MAF: variants seen among roughly 807,000 people sequenced by gnomAD.
MAF encodes MAF bZIP transcription factor.
In MAF, 10 loss-of-function variants were observed where a neutral mutation model predicts 22.0. The observed-to-expected ratio is 0.45, with a 90% CI of 0.28 to 0.77. MAF has a LOEUF of 0.77. MAF is among the 30% of genes least tolerant of loss of function. The pLI is 0.12. For synonymous variants in MAF, 337 were observed against 255.8 expected (o/e 1.32, Z -3.03); for missense variants, 544 against 548.4 (o/e 0.99, Z 0.08).
the MAF span, among the ~76,000 whole-genome samples, chr16:79,484,379 G>C: frequency 6.6e-6 from 1 of 152,218 alleles, no homozygotes; most frequent in South Asian, 2.1e-4. Context: ...CCCAGGCCAT[G>C]GTGGCCGAAG....
chr16:79,204,978 TTTTGTCAGGGAGAATGGCATGGCC>T, the MAF span: 1 of 152,198 alleles, frequency 6.6e-6, no homozygotes, highest in Non-Finnish European at 1.5e-5. Flanking sequence ...AACTCATGTC[TTTTGTCAGGGAGAATGGCATGGCC>T]TTTGTATGAC....
At chr16:79,437,388 C>T in the MAF span, among the ~76,000 whole-genome samples, 8 of 152,158 alleles carry the variant, frequency 5.3e-5, no homozygotes, top group South Asian at 2.1e-4. Context: ...GCACAACCAC[C>T]GTGTGGCCTG....
chr16:79,220,085 G>A, the MAF span, among the ~76,000 whole-genome samples: 2 of 151,832 alleles, frequency 1.3e-5, no homozygotes, highest in African/African-American at 4.8e-5. Flanking sequence ...GTGGAACCCT[G>A]TCTCTACTAA....
chr16:79,542,914 T>G, the MAF span, among the ~76,000 whole-genome samples: 1 of 152,230 alleles, frequency 6.6e-6, no homozygotes, highest in African/African-American at 2.4e-5. Flanking sequence ...CTAGCACATC[T>G]GACCTATAAT....
At chr16:79,589,736 C>T (rs1032085326), downstream of MAF, among the ~76,000 whole-genome samples, 3 of 152,190 alleles carry the variant, frequency 2.0e-5, no homozygotes, top group African/African-American at 7.2e-5. Context: ...CTCGCTCGCG[C>T]TAGGGCAGTC....
the MAF span, among the ~76,000 whole-genome samples, chr16:79,214,201 T>A: frequency 6.6e-6 from 1 of 152,162 alleles, no homozygotes; most frequent in Non-Finnish European, 1.5e-5. Flanking sequence ...ATTGTACACA[T>A]TATGTGTCTA....
At chr16:79,320,515 A>G in the MAF span, among the ~76,000 whole-genome samples, 1 of 152,180 alleles carries the variant, frequency 6.6e-6, no homozygotes, top group African/African-American at 2.4e-5. Context: ...CAGATCTCCG[A>G]AGGAGGCTCC....
chr16:79,375,281 T>C, the MAF span, among the ~76,000 whole-genome samples: 1 of 152,126 alleles, frequency 6.6e-6, no homozygotes, highest in African/African-American at 2.4e-5. Flanking sequence ...CATAAAAGGG[T>C]TCAAGGCATT....
chr16:79,404,153 G>A, the MAF span, among the ~76,000 whole-genome samples: 36 of 147,138 alleles, frequency 2.4e-4, no homozygotes, highest in Middle Eastern at 3.5e-3. Flanking sequence ...GCATTTTACC[G>A]TCTGGATTTT....
At chr16:79,295,044 G>A in the MAF span, among the ~76,000 whole-genome samples, 4 of 145,556 alleles carry the variant, frequency 2.7e-5, 1 homozygote, top group Admixed American at 1.4e-4. Flanking sequence ...AATGCTAGAA[G>A]CTAATGCAGC....
At chr16:79,314,068 C>T in the MAF span, among the ~76,000 whole-genome samples, 2 of 152,184 alleles carry the variant, frequency 1.3e-5, no homozygotes, top group East Asian at 3.9e-4. Flanking sequence ...ATGGACAGTT[C>T]ACATTTTAAC....
At chr16:79,330,496 A>G in the MAF span, among the ~76,000 whole-genome samples, 1 of 152,238 alleles carries the variant, frequency 6.6e-6, no homozygotes, top group Non-Finnish European at 1.5e-5. Flanking sequence ...GGCCATGATC[A>G]TGGCTGGTAG....
the MAF span, among the ~76,000 whole-genome samples, chr16:79,471,446 C>T: frequency 6.6e-6 from 1 of 152,094 alleles, no homozygotes; most frequent in Non-Finnish European, 1.5e-5. Context: ...TTGCTTGAGC[C>T]CAGGAGTTAC....
At chr16:79,514,925 C>A in the MAF span, among the ~76,000 whole-genome samples, 2 of 152,160 alleles carry the variant, frequency 1.3e-5, no homozygotes, top group Non-Finnish European at 2.9e-5. Context: ...CCACTAGGAC[C>A]CTAGGACTCT....
chr16:79,360,359 T>C, the MAF span, among the ~76,000 whole-genome samples: 1 of 152,124 alleles, frequency 6.6e-6, no homozygotes, highest in Admixed American at 6.5e-5. Context: ...CTACTGGGTT[T>C]GGTTGGATTA....
At chr16:79,399,251 G>C in the MAF span, among the ~76,000 whole-genome samples, 1 of 152,174 alleles carries the variant, frequency 6.6e-6, no homozygotes, top group African/African-American at 2.4e-5. Context: ...ATAGCATTAT[G>C]GGCTGTGCTA....
the MAF span, among the ~76,000 whole-genome samples, chr16:79,242,321 C>T: frequency 6.7e-6 from 1 of 148,972 alleles, no homozygotes; most frequent in Non-Finnish European, 1.5e-5. Context: ...CACACATACG[C>T]TCAAAATAAA....
rs1913814107 is a variant in MAF, at chr16:79,599,210, G to T, written c.693C>A (p.Gly231=). 17 of 976,176 alleles carry T rather than the reference G, an allele frequency of 1.7e-5. No individual in the cohort carries two copies. In the South Asian group the frequency reaches 2.8e-4, roughly 16 times the overall value. The allele number at this position is 976,176 out of a possible 1,614,324, so 60.5% of individuals were successfully genotyped here. ...PASAGGGGGG[G]GGGGGGGAAG... ...CCGCGCCCCCGCCGCCTCCGCCGCC[G>T]CCGCCGCCGCCGCCGCCCCCAGCGC... The change falls in exon 1 of 2, where the codon GGC becomes GGA. Residue 231 remains glycine (G), a synonymous_variant. Coordinates refer to ENST00000326043, the MANE Select transcript of MAF (RefSeq NM_005360.5).
At chr16:79,538,817 C>T in the MAF span, among the ~76,000 whole-genome samples, 2 of 145,746 alleles carry the variant, frequency 1.4e-5, no homozygotes, top group African/African-American at 5.2e-5. Context: ...CAGAGCATGA[C>T]TCTGTCTCGA....
Sources: gnomAD v4.1 joint callset for allele counts (sites outside exome capture counted in the v4.1 genomes callset) on GRCh38, gnomAD v4.1.1 for gene constraint, MANE v1.5 for transcripts, NCBI Gene and HGNC (gene_info 2026-07-23, HGNC 2026-07-21) for gene names.